Variants in B3GALT1 observed in about 807,000 individuals in gnomAD.
B3GALT1 encodes the protein UDP-Gal:betaGlcNAc beta 1,3-galactosyltransferase, polypeptide 1.
Under a neutral mutation model 23.2 loss-of-function variants are expected in B3GALT1, and 10 were observed. That is an observed-to-expected ratio of 0.43 (90% CI 0.27 to 0.73). The LOEUF (loss-of-function observed/expected upper bound fraction) is 0.73, where lower values mean the gene tolerates loss of function less well. B3GALT1 is among the 30% of genes least tolerant of loss of function. The probability of loss-of-function intolerance (pLI) is 0.21; values close to 1 mark genes in which losing one functional copy is unlikely to be tolerated. For synonymous variants in B3GALT1, 156 were observed against 141.5 expected, an observed-to-expected ratio of 1.10 and a Z score of -0.73; for missense variants, 299 against 405.4, an observed-to-expected ratio of 0.74 and a Z score of 2.25.
At chr2:167,860,370 T>G (rs1690074378) in intron 4 of B3GALT1, among the ~76,000 whole-genome samples, 1 of 152,194 alleles carries the variant, frequency 6.6e-6, no homozygotes, top group Non-Finnish European at 1.5e-5. Flanking sequence ...CCTTTCTCTC[T>G]GTCTCTCTCG....
intron 2 of B3GALT1, among the ~76,000 whole-genome samples, chr2:167,598,656 C>T (rs1028049103): frequency 2.0e-5 from 3 of 152,152 alleles, no homozygotes; most frequent in East Asian, 1.9e-4. Context: ...CACATTCTCA[C>T]GTGGCGTGTC....
intron 3 of B3GALT1, among the ~76,000 whole-genome samples, chr2:167,679,367 C>T (rs1330208144): frequency 1.3e-5 from 2 of 151,960 alleles, no homozygotes; most frequent in African/African-American, 2.4e-5. Flanking sequence ...GATCCGCCCA[C>T]CTCGGCCTCC....
chr2:167,663,711 G>A (rs1164856213), intron 3 of B3GALT1, among the ~76,000 whole-genome samples: 2 of 151,896 alleles, frequency 1.3e-5, no homozygotes, highest in African/African-American at 4.8e-5. Flanking sequence ...CTGATGGCCA[G>A]TGATGGTGAG....
chr2:167,840,470 A>T (rs1404802806), intron 4 of B3GALT1, among the ~76,000 whole-genome samples: 1 of 151,778 alleles, frequency 6.6e-6, no homozygotes, highest in East Asian at 1.9e-4. Flanking sequence ...TCAAAACCAC[A>T]ATGAGATATC....
At chr2:167,706,114 T>G (rs1686963593) in intron 3 of B3GALT1, among the ~76,000 whole-genome samples, 1 of 152,222 alleles carries the variant, frequency 6.6e-6, no homozygotes, top group African/African-American at 2.4e-5. Flanking sequence ...ATACGGAAGC[T>G]ACTTTAACTG....
rs531726766 is a variant in B3GALT1 at position 167,643,572 on chromosome 2, G to C, written c.-409-3337G>C. Among the ~76,000 whole-genome samples, 18 of 152,312 alleles carry C rather than the reference G, an allele frequency of 1.2e-4. No homozygotes were observed. The South Asian group carries it at 3.7e-3, about 32-fold the overall frequency. Reference sequence around the variant, plus strand: ...CCAGACCACTGATAATACAAAAGGAGAGGAAAAGAAAAAAGCAAAAATCCC... The same window carrying C: ...CCAGACCACTGATAATACAAAAGGACAGGAAAAGAAAAAAGCAAAAATCCC... On this transcript the variant is annotated intron_variant, in intron 2 of 4. Transcript: ENST00000392690.
intron 1 of B3GALT1, among the ~76,000 whole-genome samples, chr2:167,393,569 A>G (rs1698052578): frequency 6.6e-6 from 1 of 152,250 alleles, no homozygotes; most frequent in Non-Finnish European, 1.5e-5. Flanking sequence ...ACAATTGTAT[A>G]AATACTTTTT....
At chr2:167,391,664 A>G (rs1387975462) in intron 1 of B3GALT1, among the ~76,000 whole-genome samples, 1 of 152,148 alleles carries the variant, frequency 6.6e-6, no homozygotes, top group Admixed American at 6.5e-5. Context: ...ATGTACAAGC[A>G]TTCTCCTCTC....
At chr2:167,560,723 T>C (rs1683963580) in intron 2 of B3GALT1, among the ~76,000 whole-genome samples, 1 of 151,936 alleles carries the variant, frequency 6.6e-6, no homozygotes, top group Non-Finnish European at 1.5e-5. Flanking sequence ...CATTACATAA[T>C]GGTAAAGGAA....
intron 2 of B3GALT1, among the ~76,000 whole-genome samples, chr2:167,592,242 C>T (rs1446787977): frequency 2.0e-5 from 3 of 152,180 alleles, no homozygotes; most frequent in African/African-American, 7.2e-5. Flanking sequence ...TATAGATATT[C>T]TTAAAACTAT....
At chr2:167,635,416 G>C (rs755412183) in intron 2 of B3GALT1, among the ~76,000 whole-genome samples, 1 of 152,158 alleles carries the variant, frequency 6.6e-6, no homozygotes, top group Non-Finnish European at 1.5e-5. Flanking sequence ...AATTGTCTCT[G>C]TTTGCAGACG....
chr2:167,739,927 CA>C (rs1291441484), intron 3 of B3GALT1, among the ~76,000 whole-genome samples: 1 of 66,722 alleles, frequency 1.5e-5, no homozygotes, highest in African/African-American at 5.0e-5. Context: ...GTTGTCTCTA[CA>C]AAAAAACAAA....
At chr2:167,739,321 A>G (rs1446308168) in intron 3 of B3GALT1, among the ~76,000 whole-genome samples, 2 of 152,210 alleles carry the variant, frequency 1.3e-5, no homozygotes, top group Non-Finnish European at 2.9e-5. Flanking sequence ...AATCCCTCAG[A>G]TGAAAGCCCA....
At chr2:167,657,974 A>G (rs1286799450) in intron 3 of B3GALT1, among the ~76,000 whole-genome samples, 1 of 152,148 alleles carries the variant, frequency 6.6e-6, no homozygotes, top group Non-Finnish European at 1.5e-5. Context: ...ACCAGTGTGT[A>G]GAATTAGGAA....
intron 2 of B3GALT1, among the ~76,000 whole-genome samples, chr2:167,574,735 A>G (rs947477605): frequency 4.6e-5 from 7 of 151,796 alleles, no homozygotes; most frequent in South Asian, 2.1e-4. Context: ...TGTATAGGGC[A>G]TAAAATTAGA....
At chr2:167,586,687 A>AT (rs1449130217) in intron 2 of B3GALT1, among the ~76,000 whole-genome samples, 1 of 152,234 alleles carries the variant, frequency 6.6e-6, no homozygotes, top group Non-Finnish European at 1.5e-5. Flanking sequence ...TATGCTAATC[A>AT]TATGTCACAT....
intron 2 of B3GALT1, among the ~76,000 whole-genome samples, chr2:167,566,403 A>T (rs1422644046): frequency 6.6e-6 from 1 of 151,998 alleles, no homozygotes; most frequent in Non-Finnish European, 1.5e-5. Context: ...CTAATGCTAA[A>T]TGACGAGTTA....
At chr2:167,394,232 C>G (rs1191917965) in intron 1 of B3GALT1, among the ~76,000 whole-genome samples, 1 of 152,094 alleles carries the variant, frequency 6.6e-6, no homozygotes, top group African/African-American at 2.4e-5. Flanking sequence ...ACCAATTATG[C>G]CTTCTACTGA....
At chr2:167,424,802 A>T (rs1698600836) in intron 1 of B3GALT1, among the ~76,000 whole-genome samples, 1 of 152,222 alleles carries the variant, frequency 6.6e-6, no homozygotes. Flanking sequence ...ATCATAGAAG[A>T]CTTACATATA....
Sources: allele counts gnomAD v4.1 joint callset (sites outside exome capture counted in the v4.1 genomes callset), GRCh38; gene constraint gnomAD v4.1.1; transcripts MANE v1.5; gene names NCBI Gene and HGNC (gene_info 2026-07-23, HGNC 2026-07-21).